Variants in SGCZ observed in about 807,000 individuals in gnomAD.
SGCZ encodes the protein sarcoglycan zeta, also known as zeta-sarcoglycan.
SGCZ carries 40 observed loss-of-function variants against 41.3 expected under a neutral mutation model. The ratio of observed to expected loss-of-function variants is 0.97; its 90% confidence interval spans 0.75 to 1.26. The LOEUF (loss-of-function observed/expected upper bound fraction) is 1.26. SGCZ is among the 50% of genes most tolerant of loss of function. The pLI is 0.00. For missense variants in SGCZ, 552 were observed against 369.8 expected, an observed-to-expected ratio of 1.49 and a Z score of -4.04; for synonymous variants, 206 against 137.5, an observed-to-expected ratio of 1.50 and a Z score of -3.49.
intron 1 of SGCZ, among the ~76,000 whole-genome samples, chr8:15,083,066 G>A (rs1034364666): frequency 6.6e-6 from 1 of 152,012 alleles, no homozygotes; most frequent in Non-Finnish European, 1.5e-5. Flanking sequence ...ACTAATAGTC[G>A]TGTTCAAATG....
intron 1 of SGCZ, among the ~76,000 whole-genome samples, chr8:14,620,888 T>C (rs1347468251): frequency 6.6e-6 from 1 of 152,148 alleles, no homozygotes; most frequent in East Asian, 1.9e-4. Context: ...TGGTGGTTCC[T>C]CAAGGATCTA....
intron 3 of SGCZ, among the ~76,000 whole-genome samples, chr8:14,297,629 A>G (rs1172866060): frequency 6.6e-6 from 1 of 152,064 alleles, no homozygotes; most frequent in South Asian, 2.1e-4. Context: ...TTTCATGTAC[A>G]TAAATGAATC....
At chr8:15,032,624 C>T (rs1174249822) in intron 1 of SGCZ, among the ~76,000 whole-genome samples, 1 of 152,188 alleles carries the variant, frequency 6.6e-6, no homozygotes, top group African/African-American at 2.4e-5. Flanking sequence ...ACCCCAGAAA[C>T]TCCAGGCTCT....
intron 6 of SGCZ, among the ~76,000 whole-genome samples, chr8:14,105,143 G>A (rs1021104685): frequency 6.6e-6 from 1 of 151,766 alleles, no homozygotes; most frequent in African/African-American, 2.4e-5. Flanking sequence ...TTAAAATATA[G>A]ACTCCTAGTA....
intron 5 of SGCZ, among the ~76,000 whole-genome samples, chr8:14,144,238 A>G (rs555654127): frequency 5.3e-5 from 8 of 152,184 alleles, no homozygotes; most frequent in African/African-American, 1.9e-4. Context: ...CCATCCTTCC[A>G]CTTAAAGAGA....
At chr8:15,019,439 A>G (rs190015878) in intron 1 of SGCZ, among the ~76,000 whole-genome samples, 11 of 152,140 alleles carry the variant, frequency 7.2e-5, no homozygotes, top group Non-Finnish European at 1.5e-4. Flanking sequence ...ATGGATTCAC[A>G]TTTCCAAATT....
chr8:14,819,709 G>C (rs1268925763), intron 1 of SGCZ, among the ~76,000 whole-genome samples: 1 of 152,024 alleles, frequency 6.6e-6, no homozygotes, highest in East Asian at 1.9e-4. Flanking sequence ...AAGTAAATTA[G>C]AGCAACAAAA....
At chr8:14,981,030 G>T (rs1801646227) in intron 1 of SGCZ, among the ~76,000 whole-genome samples, 1 of 152,012 alleles carries the variant, frequency 6.6e-6, no homozygotes, top group African/African-American at 2.4e-5. Context: ...AAATCGGACT[G>T]CCCTACTAAA....
chr8:14,377,134 T>C (rs1221918518), intron 2 of SGCZ, among the ~76,000 whole-genome samples: 2 of 151,890 alleles, frequency 1.3e-5, no homozygotes, highest in Non-Finnish European at 2.9e-5. Flanking sequence ...AATTAGAGAG[T>C]TGGAACTTTC....
chr8:15,001,764 G>A (rs1382293037), intron 1 of SGCZ, among the ~76,000 whole-genome samples: 5 of 149,800 alleles, frequency 3.3e-5, no homozygotes, highest in South Asian at 4.2e-4. Context: ...GAAAAAAGGA[G>A]TTGAGTGTAA....
At chr8:15,061,560 T>C (rs1387025009) in intron 1 of SGCZ, among the ~76,000 whole-genome samples, 9 of 150,478 alleles carry the variant, frequency 6.0e-5, no homozygotes, top group Admixed American at 4.6e-4. Context: ...AAATTAAAAA[T>C]AAATAAATAA....
intron 2 of SGCZ, among the ~76,000 whole-genome samples, chr8:14,454,841 G>T (rs1182196636): frequency 1.3e-5 from 2 of 152,060 alleles, no homozygotes; most frequent in African/African-American, 4.8e-5. Context: ...AAATATTAAG[G>T]TTAAATATAC....
rs184805028 is a variant in SGCZ at position 14,452,325 on chromosome 8, G to A, written c.234+102407C>T. On this transcript the variant is annotated intron_variant, in intron 2 of 7. Transcript: ENST00000382080. ...GAGGGGAGGGACGAATTAACAGGAA[G>A]GGCACAGTGGATTTCCAGGACAGTA... Among the ~76,000 whole-genome samples the A allele has an allele frequency of 1.8e-3, 271 of 152,074 alleles. 1 individual carries two copies. The highest frequency in any genetic ancestry group is 3.4e-3 in the Middle Eastern group (1 of 294).
At chr8:15,211,634 A>T (rs187840991) in intron 1 of SGCZ, among the ~76,000 whole-genome samples, 1 of 152,174 alleles carries the variant, frequency 6.6e-6, no homozygotes, top group African/African-American at 2.4e-5. Context: ...ACAATATCAT[A>T]CCTTCTTCTA....
At chr8:15,013,451 A>G (rs968647313) in intron 1 of SGCZ, among the ~76,000 whole-genome samples, 1 of 152,182 alleles carries the variant, frequency 6.6e-6, no homozygotes, top group African/African-American at 2.4e-5. Flanking sequence ...TATGGCCACA[A>G]ATAGTTCCTC....
chr8:14,544,969 C>G (rs1803580035), intron 2 of SGCZ, among the ~76,000 whole-genome samples: 1 of 151,992 alleles, frequency 6.6e-6, no homozygotes, highest in Non-Finnish European at 1.5e-5. Flanking sequence ...GTTCTTACAC[C>G]CTCTTCCCTT....
intron 1 of SGCZ, among the ~76,000 whole-genome samples, chr8:14,571,723 T>G (rs1384872250): frequency 6.6e-6 from 1 of 152,216 alleles, no homozygotes; most frequent in Non-Finnish European, 1.5e-5. Context: ...TAGTGACGTT[T>G]GTATATTACA....
At chr8:14,914,538 A>T (rs1475307631) in intron 1 of SGCZ, among the ~76,000 whole-genome samples, 3 of 152,114 alleles carry the variant, frequency 2.0e-5, no homozygotes, top group Non-Finnish European at 4.4e-5. Flanking sequence ...GTGAAAAAAA[A>T]ATGCATTTAA....
At chr8:14,998,182 C>G (rs1802286143) in intron 1 of SGCZ, among the ~76,000 whole-genome samples, 1 of 152,106 alleles carries the variant, frequency 6.6e-6, no homozygotes, top group African/African-American at 2.4e-5. Context: ...GCACTACCTA[C>G]AAAACGAAAA....
Sources: allele counts gnomAD v4.1 joint callset (sites outside exome capture counted in the v4.1 genomes callset), GRCh38; gene constraint gnomAD v4.1.1; transcripts MANE v1.5; gene names NCBI Gene and HGNC (gene_info 2026-07-23, HGNC 2026-07-21).